The following AFF4 variants were observed in gnomAD, a reference collection of about 807,000 sequenced individuals.
AFF4 encodes the protein AF4/FMR2 family member 4.
In AFF4, 13 loss-of-function variants were observed where a neutral mutation model predicts 124.8. The ratio of observed to expected loss-of-function variants is 0.10; its 90% CI spans 0.07 to 0.17. AFF4 has a LOEUF of 0.17. AFF4 is among the 10% of genes least tolerant of loss of function. The probability of loss-of-function intolerance (pLI) is 1.00; values close to 1 mark genes in which losing one functional copy is unlikely to be tolerated. For missense variants in AFF4, 1,092 were observed against 1,403.8 expected (o/e 0.78, Z 3.55); for synonymous variants, 477 against 496.1 (o/e 0.96, Z 0.51).
At chr5:132,917,384 T>TC (rs1760936890) in intron 5 of AFF4, among the ~76,000 whole-genome samples, 1 of 152,248 alleles carries the variant, frequency 6.6e-6, no homozygotes, top group African/African-American at 2.4e-5. Context: ...ATAAATGACA[T>TC]CCACAAAAAG....
chr5:132,886,460 G>A, intron 17 of AFF4, 57 bp from the exon 18 acceptor site: 2 of 1,503,344 alleles, frequency 1.3e-6, no homozygotes, highest in Non-Finnish European at 1.8e-6. Flanking sequence ...GGCCAGATTT[G>A]CACAGACAGC....
intron 1 of AFF4, chr5:132,948,847 A>T (rs542951174): frequency 4.6e-5 from 7 of 153,132 alleles, no homozygotes; most frequent in Admixed American, 2.0e-4. Context: ...CAGCTGCCTT[A>T]AATGTTCATA....
intron 8 of AFF4, 95 bp downstream of exon 8, chr5:132,899,492 T>C: frequency 8.8e-7 from 1 of 1,132,332 alleles, no homozygotes. Context: ...AAGAAACTTA[T>C]TTTAAGTAAT....
chr5:132,900,246 T>C (rs922756890), intron 7 of AFF4, among the ~76,000 whole-genome samples: 5 of 152,182 alleles, frequency 3.3e-5, no homozygotes, highest in Non-Finnish European at 7.3e-5. Flanking sequence ...GAAATGGCTA[T>C]GTATATATTT....
intron 3 of AFF4, among the ~76,000 whole-genome samples, 179 bp downstream of exon 3, chr5:132,933,968 G>C (rs992227584): frequency 3.3e-5 from 5 of 152,162 alleles, no homozygotes; most frequent in African/African-American, 1.2e-4. Context: ...CGAGTTAACA[G>C]ATCTACGCAT....
At chr5:132,906,861 A>T (rs1193543916) in intron 5 of AFF4, among the ~76,000 whole-genome samples, 1 of 152,178 alleles carries the variant, frequency 6.6e-6, no homozygotes, top group Non-Finnish European at 1.5e-5. Flanking sequence ...ATACTTTGGG[A>T]GGCTAAGCAA....
intron 11 of AFF4, among the ~76,000 whole-genome samples, chr5:132,895,850 T>A (rs770357828): frequency 1.3e-5 from 2 of 152,220 alleles, no homozygotes; most frequent in Non-Finnish European, 2.9e-5. Flanking sequence ...CAGCAATATT[T>A]TTAGTTCTGA....
intron 5 of AFF4, among the ~76,000 whole-genome samples, chr5:132,918,578 C>T (rs1760969650): frequency 6.6e-6 from 1 of 151,018 alleles, no homozygotes; most frequent in South Asian, 2.1e-4. Context: ...AGGAGAATCG[C>T]TCGAACCCAG....
chr5:132,884,880 A>G (rs1440901821), intron 19 of AFF4, among the ~76,000 whole-genome samples, 196 bp downstream of exon 19: 1 of 152,230 alleles, frequency 6.6e-6, no homozygotes, highest in African/African-American at 2.4e-5. Flanking sequence ...TCTCATATCT[A>G]ATCTTTATGA....
chr5:132,923,370 A>T (rs989096231), intron 5 of AFF4, among the ~76,000 whole-genome samples: 9 of 31,452 alleles, frequency 2.9e-4, no homozygotes, highest in Admixed American at 5.3e-4. Context: ...AAGGAAAGAA[A>T]GGAGAGAGAG....
intron 1 of AFF4, among the ~76,000 whole-genome samples, chr5:132,960,350 A>G (rs1035852655): frequency 6.6e-6 from 1 of 152,242 alleles, no homozygotes; most frequent in African/African-American, 2.4e-5. Context: ...TCAATTTTTT[A>G]TAGTACATGC....
chr5:132,928,051 C>A (rs193009848), intron 4 of AFF4, among the ~76,000 whole-genome samples: 40 of 152,136 alleles, frequency 2.6e-4, no homozygotes, highest in Non-Finnish European at 7.4e-5. Context: ...GGAAATGCAA[C>A]AAATTAACAG....
At chr5:132,917,250 A>C (rs1234608109) in intron 5 of AFF4, among the ~76,000 whole-genome samples, 2 of 151,062 alleles carry the variant, frequency 1.3e-5, no homozygotes. Context: ...CCATATTAAT[A>C]CAAATCAAAA....
rs538059875 is a variant in AFF4 at position 132,957,644 on chromosome 5, C to T, written c.-5+5615G>A. Among the ~76,000 whole-genome samples, 959 of 152,088 alleles carry T rather than the reference C, an allele frequency of 6.3e-3. 4 individuals are homozygous for T. The highest frequency in any genetic ancestry group is 8.2e-3 in the Non-Finnish European group (559 of 67,994). On this transcript the variant is annotated intron_variant, in intron 1 of 20. Transcript: ENST00000265343. ...AGCTACTCAGGAGGCTGGGGCAGGACTGCTTGAAATCCAGGAAGCGGAGGT... is the reference window on the plus strand; with the variant it reads ...AGCTACTCAGGAGGCTGGGGCAGGATTGCTTGAAATCCAGGAAGCGGAGGT...
chr5:132,908,725 C>T (rs1330959534), intron 5 of AFF4, among the ~76,000 whole-genome samples: 1 of 147,990 alleles, frequency 6.8e-6, no homozygotes, highest in Non-Finnish European at 1.5e-5. Flanking sequence ...TATACACACA[C>T]ACTCATATAT....
intron 1 of AFF4, among the ~76,000 whole-genome samples, chr5:132,958,238 G>A (rs552796350): frequency 6.6e-6 from 1 of 152,018 alleles, no homozygotes; most frequent in East Asian, 1.9e-4. Context: ...CATAGTAGCT[G>A]CATAACAAAT....
chr5:132,924,939 G>A (rs1761134314), intron 5 of AFF4, among the ~76,000 whole-genome samples: 4 of 151,808 alleles, frequency 2.6e-5, no homozygotes, highest in Admixed American at 2.6e-4. Flanking sequence ...ACTTTGGGAG[G>A]CCAAGGCGGG....
At chr5:132,931,411 AGAGT>A (rs1761297434) in intron 4 of AFF4, among the ~76,000 whole-genome samples, 1 of 152,212 alleles carries the variant, frequency 6.6e-6, no homozygotes, top group South Asian at 2.1e-4. Context: ...ACTGGGTAAC[AGAGT>A]GAGACTCCAT....
rs970433381 is a variant in AFF4 at position 132,896,270 on chromosome 5, C to A, written c.2307+53G>T. 2.6e-6 allele frequency: 4 copies of A among 1,523,246 alleles called. No individual in the cohort carries two copies. In the African/African-American group the frequency reaches 5.6e-5, roughly 21 times the overall value. The allele number at this position is 1,523,246 out of a possible 1,614,324, so 94.4% of individuals were successfully genotyped here. On this transcript the variant is annotated intron_variant, in intron 11 of 20. Transcript: ENST00000265343. ...ACTTTGTGGCTTACTGAGATTTCCA[C>A]CGCATTTCAGATTCTGATGTTTCAA... is the stretch of plus-strand genomic sequence containing the variant.
Sources: gnomAD v4.1 joint callset for allele counts (sites outside exome capture counted in the v4.1 genomes callset) on GRCh38, gnomAD v4.1.1 for gene constraint, MANE v1.5 for transcripts, NCBI Gene and HGNC (gene_info 2026-07-23, HGNC 2026-07-21) for gene names.